PDE4A: variants seen among roughly 807,000 people sequenced by gnomAD.
PDE4A encodes 3',5'-cyclic-AMP phosphodiesterase 4A.
Under a neutral mutation model 73.9 loss-of-function variants are expected in PDE4A, and 21 were observed. The ratio of observed to expected loss-of-function variants is 0.28; its 90% CI spans 0.20 to 0.41. The LOEUF (loss-of-function observed/expected upper bound fraction) is 0.41, where lower values mean the gene tolerates loss of function less well. PDE4A is among the 10% of genes least tolerant of loss of function. The probability of loss-of-function intolerance (pLI) is 1.00; values close to 1 mark genes in which losing one functional copy is unlikely to be tolerated. For synonymous variants in PDE4A, 463 were observed against 505.4 expected, an observed-to-expected ratio of 0.92 and a Z score of 1.13; for missense variants, 958 against 1,211.4, an observed-to-expected ratio of 0.79 and a Z score of 3.10.
Position 10,468,966 on chromosome 19 carries a change from C to G in PDE4A, c.*1345C>G, listed in dbSNP as rs1180004177. On this transcript the variant is annotated 3_prime_UTR_variant, in exon 15 of 15. Coordinates refer to ENST00000380702, the MANE Select transcript of PDE4A (RefSeq NM_001111307.2). ...GGACCGACCTCATTCATCGCCTGCCCCCTACCCAATTCTGAGCACACGGTA... is the reference window on the plus strand; with the variant it reads ...GGACCGACCTCATTCATCGCCTGCCGCCTACCCAATTCTGAGCACACGGTA... 2 of 152,818 alleles carry G rather than the reference C, an allele frequency of 1.3e-5. No homozygotes were observed. Among genetic ancestry groups the G allele is most frequent in the East Asian group, 1.9e-4 (1 of 5,296 alleles). The allele number at this position is 152,818 out of a possible 1,614,324, so 9.5% of individuals were successfully genotyped here. A position where few individuals can be genotyped will look rare whatever the true frequency, so the allele number is the denominator to read the frequency against.
chr19:10,417,818 G>C (rs758782923), upstream of PDE4A: 23 of 1,557,764 alleles, frequency 1.5e-5, no homozygotes, highest in Admixed American at 7.5e-5. Flanking sequence ...CCACCCTGCC[G>C]CTGCTGATCC....
chr19:10,419,182 G>A (rs2042616376), upstream of PDE4A: 1 of 697,770 alleles, frequency 1.4e-6, no homozygotes, highest in Non-Finnish European at 1.7e-6. Flanking sequence ...TCTGGTCCCC[G>A]GGTCCCGCAG....
At chr19:10,446,083 C>G in intron 1 of PDE4A, 135 bp from the exon 2 acceptor site, 3 of 1,344,644 alleles carry the variant, frequency 2.2e-6, no homozygotes, top group Middle Eastern at 2.7e-4. Flanking sequence ...AGTGATTCAC[C>G]CCCACTTGGC....
intron 1 of PDE4A, 95 bp from the exon 2 acceptor site, chr19:10,446,123 C>T (rs2042999618): frequency 1.3e-6 from 2 of 1,482,654 alleles, no homozygotes; most frequent in South Asian, 1.3e-5. Context: ...ACAGGCATTA[C>T]AGGCGTGAGC....
At chr19:10,456,208 TAGTG>T (rs1449819042) in intron 7 of PDE4A, among the ~76,000 whole-genome samples, 1 of 150,752 alleles carries the variant, frequency 6.6e-6, no homozygotes, top group Non-Finnish European at 1.5e-5. Flanking sequence ...CTGGGCAACA[TAGTG>T]AGAATCTGTC....
intron 9 of PDE4A, 46 bp downstream of exon 9, chr19:10,459,544 G>T (rs769005712): frequency 1.9e-6 from 3 of 1,611,092 alleles, no homozygotes; most frequent in South Asian, 1.1e-5. Flanking sequence ...GGCTCATAGC[G>T]GGGCGCTGGA....
intron 1 of PDE4A, among the ~76,000 whole-genome samples, chr19:10,442,478 C>T (rs999170896): frequency 7.9e-5 from 12 of 152,170 alleles, no homozygotes; most frequent in African/African-American, 2.6e-4. Context: ...GAACCGAGAT[C>T]GCGCCACTGC....
chr19:10,417,122 T>C (rs2042595907), upstream of PDE4A: 11 of 1,444,082 alleles, frequency 7.6e-6, no homozygotes, highest in Admixed American at 2.7e-5. Context: ...GGTCCCCTCG[T>C]GCCTCAGTTT....
At chr19:10,461,255 C>A in intron 11 of PDE4A, 152 bp downstream of exon 11, 3 of 166,500 alleles carry the variant, frequency 1.8e-5, no homozygotes, top group South Asian at 1.9e-4. Flanking sequence ...GGAGGCGGGG[C>A]TGGGGGCGGG....
chr19:10,421,197 C>A, intron 1 of PDE4A, 113 bp downstream of exon 1: 1 of 1,331,162 alleles, frequency 7.5e-7, no homozygotes, highest in Non-Finnish European at 9.6e-7. Flanking sequence ...GTTTGGCTGG[C>A]GGGGGCGGAG....
upstream of PDE4A, chr19:10,417,572 TAGAC>T: frequency 2.0e-6 from 3 of 1,480,718 alleles, no homozygotes; most frequent in Admixed American, 2.2e-5. Flanking sequence ...ACTACTCCCT[TAGAC>T]AGCTAGGTAG....
chr19:10,417,224 A>C, upstream of PDE4A: 1 of 984,522 alleles, frequency 1.0e-6, no homozygotes, highest in Non-Finnish European at 1.2e-6. Flanking sequence ...TGAGGAGAGG[A>C]TTTTGGCGAG....
chr19:10,456,892 AGAC>A (rs2043178403), intron 7 of PDE4A, among the ~76,000 whole-genome samples: 1 of 152,126 alleles, frequency 6.6e-6, no homozygotes, highest in African/African-American at 2.4e-5. Context: ...GGAACCGCCC[AGAC>A]AAGCTCAAGA....
intron 8 of PDE4A, 163 bp from the exon 9 acceptor site, chr19:10,459,237 G>A (rs2043219669): frequency 1.3e-5 from 16 of 1,271,272 alleles, no homozygotes; most frequent in Non-Finnish European, 1.7e-5. Context: ...CTATTTTGCA[G>A]CCCAGTAGGA....
In PDE4A at chr19:10,453,377, G is replaced by A. The variant is rs958428271; in HGVS notation, c.784-1452G>A. ...GTGGGCGGGCATCCTGGTGAGCTGG[G>A]CCCCCGGTGTGGGCTTGTGTGTGCA... On this transcript the variant is annotated intron_variant, in intron 6 of 14. Coordinates refer to ENST00000380702, the MANE Select transcript of PDE4A (RefSeq NM_001111307.2). This position sits in a 1 kb window ranked among gnomAD's most constrained non-coding sequence, Gnocchi z 4.6. 9 of 1,587,768 alleles carry A rather than the reference G, an allele frequency of 5.7e-6. No individual in the cohort carries two copies. Among genetic ancestry groups the A allele is most frequent in the Admixed American group, 1.7e-5 (1 of 57,250 alleles).
chr19:10,420,222 C>A, upstream of PDE4A: 1 of 195,190 alleles, frequency 5.1e-6, no homozygotes, highest in Non-Finnish European at 9.3e-6. This position sits in a 1 kb window ranked among gnomAD's most constrained non-coding sequence, Gnocchi z 6.0. Context: ...GACTGACTGA[C>A]ACTCTGGCAA....
rs753899613 is a variant in PDE4A at position 10,430,936 on chromosome 19, C to G, written c.320+9852C>G. The G allele has an allele frequency of 3.4e-5, 51 of 1,520,740 alleles. No individual in the cohort carries two copies. In the South Asian group the frequency reaches 5.3e-4, roughly 16 times the overall value. 94.2% of individuals were successfully genotyped at this position (1,520,740 alleles called of 1,614,324 possible). Reference sequence around the variant, plus strand: ...GCGGCTGAGGACGAGGCGTTCCTGCCCGAGCCCCTGGCCCCGCGCGCGCCC... The same window carrying G: ...GCGGCTGAGGACGAGGCGTTCCTGCGCGAGCCCCTGGCCCCGCGCGCGCCC... On this transcript the variant is annotated intron_variant, in intron 1 of 14. Coordinates refer to ENST00000380702, the MANE Select transcript of PDE4A (RefSeq NM_001111307.2).
intron 1 of PDE4A, among the ~76,000 whole-genome samples, chr19:10,440,899 ATTTTTTT>A (rs59011127): frequency 1.5e-5 from 2 of 131,366 alleles, no homozygotes; most frequent in Non-Finnish European, 3.3e-5. Context: ...CGCCCAGCCA[ATTTTTTT>A]TTTTTTTTTT....
upstream of PDE4A, chr19:10,420,471 C>T (rs1314900314): frequency 3.1e-5 from 5 of 159,624 alleles, no homozygotes; most frequent in African/African-American, 9.1e-5. This position sits in a 1 kb window ranked among gnomAD's most constrained non-coding sequence, Gnocchi z 6.0. Context: ...CGGGGAGGGG[C>T]GGGACGGGGC....
Sources: gnomAD v4.1 joint callset for allele counts (sites outside exome capture counted in the v4.1 genomes callset) on GRCh38, gnomAD v4.1.1 for gene constraint, Gnocchi (gnomAD v3.1) non-coding constraint, MANE v1.5 for transcripts, NCBI Gene and HGNC (gene_info 2026-07-23, HGNC 2026-07-21) for gene names.